Variants in CRACD observed in about 807,000 individuals in gnomAD.
CRACD encodes capping protein inhibiting regulator of actin dynamics.
A neutral mutation model predicts 106.8 loss-of-function variants in CRACD; 56 were observed. That is an observed-to-expected ratio of 0.52 (90% CI 0.42 to 0.66). CRACD has a LOEUF of 0.66. CRACD is among the 30% of genes least tolerant of loss of function. The probability of loss-of-function intolerance (pLI) is 0.00; values close to 1 mark genes in which losing one functional copy is unlikely to be tolerated. For missense variants in CRACD, 1,730 were observed against 1,623.2 expected (o/e 1.07, Z -1.13); for synonymous variants, 754 against 670.8 (o/e 1.12, Z -1.92).
At chr4:56,136,705 T>TTG (rs1212385880) in intron 1 of CRACD, among the ~76,000 whole-genome samples, 2 of 152,238 alleles carry the variant, frequency 1.3e-5, no homozygotes, top group Non-Finnish European at 2.9e-5. Flanking sequence ...ACCTTCTGGC[T>TTG]TGCCTTTTCA....
chr4:56,055,932 A>T (rs1732043814), intron 1 of CRACD, among the ~76,000 whole-genome samples: 1 of 152,214 alleles, frequency 6.6e-6, no homozygotes, highest in African/African-American at 2.4e-5. Context: ...GATGTTGAGT[A>T]ATTAGAGAAA....
chr4:56,301,317 A>T, intron 4 of CRACD: 2 of 1,065,116 alleles, frequency 1.9e-6, no homozygotes, highest in Non-Finnish European at 2.5e-6. Flanking sequence ...TGACAACGTG[A>T]TGCTGGTATT....
At chr4:56,267,413 C>T (rs1019544505) in intron 2 of CRACD, among the ~76,000 whole-genome samples, 2 of 152,092 alleles carry the variant, frequency 1.3e-5, no homozygotes, top group Non-Finnish European at 2.9e-5. Flanking sequence ...TGAGCCACCA[C>T]GCCTGGCCAA....
intron 2 of CRACD, among the ~76,000 whole-genome samples, chr4:56,189,790 T>C (rs540471420): frequency 6.7e-6 from 1 of 148,168 alleles, no homozygotes; most frequent in African/African-American, 2.5e-5. Context: ...TCTTTTTTTC[T>C]TTTTTTAAAT....
chr4:56,261,291 G>T (rs1237653881), intron 2 of CRACD, among the ~76,000 whole-genome samples: 1 of 152,008 alleles, frequency 6.6e-6, no homozygotes, highest in Admixed American at 6.6e-5. Flanking sequence ...TAGCATGTGG[G>T]AGAAATGTGG....
At position 56,316,646 on chromosome 4, in the gene CRACD, T is replaced by C. The variant is rs755011649; in HGVS notation, c.3144T>C (p.Thr1048=). 5 of 1,612,766 alleles carry C rather than the reference T, an allele frequency of 3.1e-6. No homozygotes were observed. In the African/African-American group the frequency reaches 5.3e-5, roughly 17 times the overall value. ...CTGCTTCCCCACCTCTGCCTGCCAC[T>C]CAGCAAGAGAAACCTTCTCAAACAC... ...RKPASPPLPA[T]QQEKPSQTPE... Residue 1048 remains threonine, a synonymous_variant, in exon 8 of 11, where the codon ACT becomes ACC. Transcript: ENST00000682029.
intron 3 of CRACD, among the ~76,000 whole-genome samples, chr4:56,287,102 CTA>C (rs1217964308): frequency 6.6e-6 from 1 of 152,130 alleles, no homozygotes; most frequent in African/African-American, 2.4e-5. Flanking sequence ...CCTGACAGTA[CTA>C]TGTTTTTATT....
chr4:56,221,638 G>A (rs184144399), intron 2 of CRACD, among the ~76,000 whole-genome samples: 7 of 151,766 alleles, frequency 4.6e-5, no homozygotes, highest in Admixed American at 2.6e-4. Flanking sequence ...GAATCTGCAA[G>A]GAACTCAAAC....
chr4:56,149,584 T>TG (rs1383758301), intron 1 of CRACD, among the ~76,000 whole-genome samples: 4 of 152,270 alleles, frequency 2.6e-5, no homozygotes, highest in South Asian at 4.1e-4. Flanking sequence ...TGTAGAGATT[T>TG]GGGGGGAGAG....
At chr4:56,249,107 G>T (rs1296229899) in intron 2 of CRACD, among the ~76,000 whole-genome samples, 2 of 142,484 alleles carry the variant, frequency 1.4e-5, no homozygotes, top group Non-Finnish European at 3.0e-5. Flanking sequence ...GGATGGCTGG[G>T]TCAAATGGTA....
chr4:56,328,309 G>A lies in CRACD; in HGVS notation c.*505G>A. ...AAGAACACCCATTCTCCTGAATGCA[G>A]TGAGTAATTGGGAATCACAAGGAAC... On this transcript the variant is annotated 3_prime_UTR_variant, in exon 11 of 11. Transcript: ENST00000682029. The A allele has an allele frequency of 3.9e-6, 2 of 518,664 alleles. No individual in the cohort carries two copies. The highest frequency in any genetic ancestry group is 2.8e-5 in the South Asian group (2 of 71,430). The allele number at this position is 518,664 out of a possible 1,614,324, so 32.1% of individuals were successfully genotyped here.
chr4:56,052,882 G>A (rs770002193), intron 1 of CRACD, among the ~76,000 whole-genome samples: 6 of 152,052 alleles, frequency 3.9e-5, no homozygotes, highest in Non-Finnish European at 2.9e-5. Flanking sequence ...TTTGAATGTC[G>A]ATATTGAGAA....
rs529656766 is a variant in CRACD, at chr4:56,306,335, A to C, written c.121-1200A>C. Among the ~76,000 whole-genome samples, 9 of 152,192 alleles carry C rather than the reference A, an allele frequency of 5.9e-5. No individual in the cohort carries two copies. The East Asian group carries it at 1.2e-3, about 20-fold the overall frequency. On this transcript the variant is annotated intron_variant, in intron 4 of 10. Transcript: ENST00000682029. ...TTGTTGAAACCCCATCTCTACAAAA[A>C]ATACAAAAGTTAGCTGGCTGTGGTG...
chr4:56,150,584 C>T (rs1339764279), intron 1 of CRACD, among the ~76,000 whole-genome samples: 1 of 152,162 alleles, frequency 6.6e-6, no homozygotes, highest in Non-Finnish European at 1.5e-5. Context: ...ACTGTCTTGA[C>T]TTTTGTGATA....
chr4:56,308,069 G>A (rs1475769958), intron 5 of CRACD, among the ~76,000 whole-genome samples: 1 of 152,154 alleles, frequency 6.6e-6, no homozygotes, highest in Non-Finnish European at 1.5e-5. Flanking sequence ...CCATGTAACT[G>A]TTTTCTCTCC....
intron 2 of CRACD, among the ~76,000 whole-genome samples, chr4:56,218,428 TTCCCCTCCCTTTCCA>T (rs201534708): frequency 0.15 from 21,200 of 138,382 alleles, 2,173 homozygotes; most frequent in Non-Finnish European, 0.22. Context: ...TTTCCCTCCC[TTCCCCTCCCTTTCCA>T]TCCCCTCCCT....
intron 1 of CRACD, among the ~76,000 whole-genome samples, chr4:56,113,461 A>T (rs1341593955): frequency 6.6e-6 from 1 of 152,164 alleles, no homozygotes; most frequent in Admixed American, 6.5e-5. Flanking sequence ...TTTCTATGGG[A>T]CATTTTTAGT....
chr4:56,307,430 G>A (rs2109746580), intron 4 of CRACD, 105 bp from the exon 5 acceptor site: 2 of 1,047,218 alleles, frequency 1.9e-6, no homozygotes, highest in East Asian at 2.4e-5. Context: ...AATCAGTTGT[G>A]CACAAGGTAT....
chr4:56,257,793 C>T (rs984979893), intron 2 of CRACD, among the ~76,000 whole-genome samples: 2 of 152,030 alleles, frequency 1.3e-5, no homozygotes, highest in Non-Finnish European at 2.9e-5. Flanking sequence ...AAACATTGGC[C>T]GGCCATGGTG....
Sources: allele counts gnomAD v4.1 joint callset (sites outside exome capture counted in the v4.1 genomes callset), GRCh38; gene constraint gnomAD v4.1.1; transcripts MANE v1.5; gene names NCBI Gene and HGNC (gene_info 2026-07-23, HGNC 2026-07-21).